The following MON2 variants were observed in gnomAD, a reference collection of about 807,000 sequenced individuals.
MON2 encodes protein MON2 homolog.
Under a neutral mutation model 208.6 loss-of-function variants are expected in MON2, and 84 were observed. The observed-to-expected ratio is 0.40, with a 90% CI of 0.34 to 0.48. MON2 has a LOEUF of 0.48. MON2 is among the 20% of genes least tolerant of loss of function. The pLI is 0.59. For missense variants in MON2, 1,611 were observed against 2,015.4 expected, an observed-to-expected ratio of 0.80 and a Z score of 3.84; for synonymous variants, 660 against 694.0, an observed-to-expected ratio of 0.95 and a Z score of 0.77.
At chr12:62,549,473 A>G (rs1393318088) in intron 22 of MON2, among the ~76,000 whole-genome samples, 195 bp from the exon 23 acceptor site, 9 of 139,510 alleles carry the variant, frequency 6.5e-5, no homozygotes, top group African/African-American at 1.9e-4. Flanking sequence ...AAAAAAAAAA[A>G]GGGCATGGGG....
rs578032361 is a variant in MON2 at position 62,568,412 on chromosome 12, TA to T, written c.4323+1963del. On this transcript the variant is annotated intron_variant, in intron 29 of 34. Coordinates refer to ENST00000393630, the MANE Select transcript of MON2 (RefSeq NM_015026.3). The stretch of plus-strand genomic sequence containing the variant: ...GGAGTGGAGTGGCATAATTATAGCT[TA>T]TTGCGGCCTCAAGCTCCTGATCTCA... Among the ~76,000 whole-genome samples the T allele has an allele frequency of 2.2e-4, 33 of 152,220 alleles. No individual in the cohort carries two copies. In the South Asian group the frequency reaches 6.6e-3, roughly 31 times the overall value.
intron 19 of MON2, among the ~76,000 whole-genome samples, chr12:62,541,091 A>C (rs2073210131): frequency 6.6e-6 from 1 of 152,150 alleles, no homozygotes; most frequent in South Asian, 2.1e-4. Context: ...ACTTAAGATA[A>C]AGCTTGCAGG....
At chr12:62,520,467 C>G (rs2071966404) in intron 8 of MON2, among the ~76,000 whole-genome samples, 1 of 152,008 alleles carries the variant, frequency 6.6e-6, no homozygotes, top group African/African-American at 2.4e-5. Context: ...ACAGTATATA[C>G]AAATGTAAAT....
At chr12:62,580,891 C>T (rs1447551605) in intron 32 of MON2, among the ~76,000 whole-genome samples, 2 of 152,046 alleles carry the variant, frequency 1.3e-5, no homozygotes, top group Non-Finnish European at 2.9e-5. Context: ...GATATTAATA[C>T]CATCTTCTCA....
chr12:62,578,139 G>T (rs966883591), intron 30 of MON2, among the ~76,000 whole-genome samples: 1 of 152,152 alleles, frequency 6.6e-6, no homozygotes, highest in Non-Finnish European at 1.5e-5. Context: ...TTGCTCTGCT[G>T]CAGATGATAG....
At chr12:62,511,380 G>A (rs1018639686) in intron 8 of MON2, among the ~76,000 whole-genome samples, 3 of 152,156 alleles carry the variant, frequency 2.0e-5, no homozygotes, top group Non-Finnish European at 4.4e-5. Flanking sequence ...ACAGTAATCA[G>A]AATAGCATAA....
intron 1 of MON2, among the ~76,000 whole-genome samples, chr12:62,479,369 G>T (rs2069264748): frequency 6.6e-6 from 1 of 150,968 alleles, no homozygotes; most frequent in Non-Finnish European, 1.5e-5. Flanking sequence ...ACCTAATACA[G>T]TGTAAATGCT....
intron 32 of MON2, among the ~76,000 whole-genome samples, chr12:62,583,718 A>G (rs2075086401): frequency 1.3e-5 from 2 of 151,064 alleles, no homozygotes; most frequent in Non-Finnish European, 3.0e-5. Flanking sequence ...GGAGGCTGAG[A>G]TGGGTGGATC....
chr12:62,565,914 T>C (rs1377513164), intron 27 of MON2, 100 bp from the exon 28 acceptor site: 1 of 1,155,706 alleles, frequency 8.7e-7, no homozygotes, highest in East Asian at 2.6e-5. Flanking sequence ...TTTTGTTCAC[T>C]CAACATAAAA....
chr12:62,479,223 C>T (rs1485924156), intron 1 of MON2, among the ~76,000 whole-genome samples: 1 of 152,106 alleles, frequency 6.6e-6, no homozygotes, highest in Non-Finnish European at 1.5e-5. Context: ...CCTTTGATAT[C>T]TGCAGGGAAT....
In MON2 at chr12:62,525,947, A is replaced by G. The variant is rs1337228802; in HGVS notation, c.1247-2A>G. 7.4e-6 allele frequency: 12 copies of G among 1,611,266 alleles called. No individual in the cohort carries two copies. Among genetic ancestry groups the G allele is most frequent in the Non-Finnish European group, 8.5e-6 (10 of 1,178,968 alleles). On this transcript the variant is annotated splice_acceptor_variant, in intron 10 of 34. Transcript: ENST00000393630. LOFTEE classifies it high-confidence loss of function. ...TTCTTTTTTTCCCTTCTTCTCTAACAGGAAACAATAATTTAGGTGGCTCAG... is the reference window on the plus strand; with the variant it reads ...TTCTTTTTTTCCCTTCTTCTCTAACGGGAAACAATAATTTAGGTGGCTCAG...
chr12:62,536,484 T>C lies in MON2; in HGVS notation c.1901-667T>C, dbSNP rs73325213. On this transcript the variant is annotated intron_variant, in intron 14 of 34. Transcript: ENST00000393630. The stretch of plus-strand genomic sequence containing the variant: ...CCAAGTAGTTGTTATTACATGCTAA[T>C]ACTCAGTTTTCAAACTGAAAATGTA... 6.8e-4 allele frequency among the ~76,000 whole-genome samples: 103 copies of C among 152,110 alleles called. 1 individual carries two copies. The highest frequency in any genetic ancestry group is 3.4e-3 in the Middle Eastern group (1 of 292).
At chr12:62,480,129 T>C (rs576461208) in intron 1 of MON2, among the ~76,000 whole-genome samples, 2 of 152,300 alleles carry the variant, frequency 1.3e-5, no homozygotes, top group Admixed American at 1.3e-4. Context: ...CAGTAGAAAC[T>C]TGTATGTTAA....
intron 8 of MON2, among the ~76,000 whole-genome samples, chr12:62,522,363 C>G (rs963856871): frequency 6.6e-6 from 1 of 152,174 alleles, no homozygotes; most frequent in South Asian, 2.1e-4. Flanking sequence ...GTTGTTAACT[C>G]GGACAAGCTC....
Position 62,568,818 on chromosome 12 carries a change from A to G in MON2, c.4323+2368A>G, listed in dbSNP as rs2074481132. On this transcript the variant is annotated intron_variant, in intron 29 of 34. Coordinates refer to ENST00000393630, the MANE Select transcript of MON2 (RefSeq NM_015026.3). ...CAGGCACACACCACCACGCATGGCT[A>G]ATTTTTGTATTTTTAGTAGAGACGG... is the stretch of plus-strand genomic sequence containing the variant. 2.0e-5 allele frequency among the ~76,000 whole-genome samples: 3 copies of G among 151,960 alleles called. No homozygotes were observed. In the South Asian group the frequency reaches 6.3e-4, roughly 32 times the overall value.
At position 62,484,234 on chromosome 12, in the gene MON2, G is replaced by A; in HGVS notation, c.175+1G>A. On this transcript the variant is annotated splice_donor_variant, in intron 2 of 34. Transcript: ENST00000393630. LOFTEE classifies it high-confidence loss of function. ...GCACGAAACACTGAAATTTTGGCAG[G>A]TAATTTTTTGTATTAAAAATTTAAT... 1 of 1,581,338 alleles carries A rather than the reference G, an allele frequency of 6.3e-7. No homozygotes were observed. The highest frequency in any genetic ancestry group is 8.6e-7 in the Non-Finnish European group (1 of 1,160,644).
At chr12:62,515,090 A>G (rs2071618737) in intron 8 of MON2, among the ~76,000 whole-genome samples, 1 of 152,192 alleles carries the variant, frequency 6.6e-6, no homozygotes, top group African/African-American at 2.4e-5. Context: ...GTTCCTCAAA[A>G]ACCTGAAAAT....
Position 62,483,351 on chromosome 12 carries a change from G to A in MON2, c.112-819G>A, listed in dbSNP as rs375756497. 3.9e-5 allele frequency among the ~76,000 whole-genome samples: 6 copies of A among 152,052 alleles called. No homozygotes were observed. The East Asian group carries it at 9.6e-4, about 24-fold the overall frequency. On this transcript the variant is annotated intron_variant, in intron 1 of 34. Transcript: ENST00000393630. ...CAGTACTGCCCGCTAAACATACTAC[G>A]GTTAATGAAGTGTTTGGTTATCCAT...
intron 30 of MON2, among the ~76,000 whole-genome samples, chr12:62,572,672 A>G (rs550644663): frequency 6.6e-6 from 1 of 152,192 alleles, no homozygotes; most frequent in South Asian, 2.1e-4. Flanking sequence ...TCTTGAACTA[A>G]CTTCTGGGCT....
Sources: gnomAD v4.1 joint callset for allele counts (sites outside exome capture counted in the v4.1 genomes callset) on GRCh38, gnomAD v4.1.1 for gene constraint, MANE v1.5 for transcripts, NCBI Gene and HGNC (gene_info 2026-07-23, HGNC 2026-07-21) for gene names.